MIS18BP1: variants seen among roughly 807,000 people sequenced by gnomAD.
The protein encoded by MIS18BP1 is MIS18 binding protein 1.
MIS18BP1 carries 72 observed loss-of-function variants against 116.1 expected under a neutral mutation model. That is an observed-to-expected ratio of 0.62 (90% confidence interval 0.51 to 0.75). The LOEUF is 0.75. Ranked by LOEUF, MIS18BP1 falls within the 30% of genes least tolerant of loss-of-function variation. MIS18BP1 has a pLI of 0.00. For synonymous variants in MIS18BP1, 386 were observed against 427.0 expected (o/e 0.90, Z 1.18); for missense variants, 1,363 against 1,303.2 (o/e 1.05, Z -0.71).
At chr14:45,236,598 G>A (rs1891435601) in intron 5 of MIS18BP1, among the ~76,000 whole-genome samples, 2 of 152,100 alleles carry the variant, frequency 1.3e-5, no homozygotes, top group Non-Finnish European at 2.9e-5. Context: ...GACGAATAAG[G>A]AAATCAAGTT....
rs779967474 is a variant in MIS18BP1, at chr14:45,247,168, G to A, written c.119C>T (p.Thr40Ile). 7 of 1,612,878 alleles carry A rather than the reference G, an allele frequency of 4.3e-6. No individual in the cohort carries two copies. The highest frequency in any genetic ancestry group is 2.7e-5 in the African/African-American group (2 of 74,928). ...ATATTTCACCAAATCTTTTACAGGA[G>A]TAAGTGTGCCTGAAGGAATGCTGTC... ...FFDSIPSGTLTPVKDLVKYQN... is the reference protein window; with the variant it reads ...FFDSIPSGTLIPVKDLVKYQN... The change falls in exon 2 of 17, where the codon ACT becomes ATT. Residue 40 changes from threonine to isoleucine, a missense_variant. Coordinates refer to ENST00000310806, the MANE Select transcript of MIS18BP1 (RefSeq NM_018353.5).
At chr14:45,250,184 G>C (rs1176452448) in intron 1 of MIS18BP1, 1 of 152,116 alleles carries the variant, frequency 6.6e-6, no homozygotes, top group Non-Finnish European at 1.5e-5. Flanking sequence ...CCAAGATTCT[G>C]AAAAAATCCT....
chr14:45,224,742 T>A lies in MIS18BP1; in HGVS notation c.1845A>T (p.Thr615=), dbSNP rs1594511777. 1 of 1,558,530 alleles carries A rather than the reference T, an allele frequency of 6.4e-7. No individual in the cohort carries two copies. The highest frequency in any genetic ancestry group is 2.2e-5 in the Admixed American group (1 of 46,380). The stretch of plus-strand genomic sequence containing the variant: ...CAATGGATACATCCAATTCTTCAGT[T>A]GTCTCTTTAATTTCATAAGACAAAA... ...ERIIKSQKQE[T]TEELDVSIDI... The change falls in exon 11 of 17, where the codon ACA becomes ACT. Residue 615 remains threonine, a synonymous_variant. Transcript: ENST00000310806.
chr14:45,236,665 C>T (rs773454042), intron 5 of MIS18BP1, among the ~76,000 whole-genome samples: 2 of 152,138 alleles, frequency 1.3e-5, no homozygotes, highest in African/African-American at 2.4e-5. Context: ...TACAGTATTA[C>T]TTCTCTTCAA....
chr14:45,204,395 T>G lies in MIS18BP1; in HGVS notation c.3295+4A>C. The stretch of plus-strand genomic sequence containing the variant: ...GCCACAAAAGAAAGCTGTAAGTGTA[T>G]TACCTGTGTTAAATGGGGTTTTCCT... On this transcript the variant is annotated splice_donor_region_variant and intron_variant, in intron 16 of 16. Coordinates refer to ENST00000310806, the MANE Select transcript of MIS18BP1 (RefSeq NM_018353.5). 6.2e-7 allele frequency: 1 copy of G among 1,604,902 alleles called. No individual in the cohort carries two copies. The highest frequency in any genetic ancestry group is 8.5e-7 in the Non-Finnish European group (1 of 1,176,414).
chr14:45,232,484 G>A (rs1020516176), intron 7 of MIS18BP1: 6 of 362,032 alleles, frequency 1.7e-5, no homozygotes, highest in Admixed American at 9.6e-5. Context: ...TAAAACAGGT[G>A]CACTTAATTA....
chr14:45,248,699 T>C (rs1314321619), intron 1 of MIS18BP1, among the ~76,000 whole-genome samples: 1 of 152,106 alleles, frequency 6.6e-6, no homozygotes, highest in African/African-American at 2.4e-5. Flanking sequence ...CAATAATTTA[T>C]GATAATAGAG....
At chr14:45,230,270 G>A (rs974116999) in intron 8 of MIS18BP1, among the ~76,000 whole-genome samples, 1 of 152,176 alleles carries the variant, frequency 6.6e-6, no homozygotes, top group African/African-American at 2.4e-5. Flanking sequence ...TACAAGTGAA[G>A]CAGATTATAG....
chr14:45,240,952 C>T (rs1891559349), intron 4 of MIS18BP1, among the ~76,000 whole-genome samples: 1 of 151,928 alleles, frequency 6.6e-6, no homozygotes, highest in African/African-American at 2.4e-5. Flanking sequence ...TAAATATTTT[C>T]CAATAATGGG....
intron 6 of MIS18BP1, among the ~76,000 whole-genome samples, chr14:45,235,486 A>C (rs1306824916): frequency 6.7e-6 from 1 of 148,612 alleles, no homozygotes; most frequent in Non-Finnish European, 1.5e-5. Flanking sequence ...GCTACTCAGG[A>C]GGCTGAGGCA....
rs1435476244 is a variant in MIS18BP1, at chr14:45,232,433, A to C, written c.1436+300T>G. 6.6e-5 allele frequency: 16 copies of C among 241,722 alleles called. 1 individual carries two copies. Among genetic ancestry groups the C allele is most frequent in the African/African-American group, 1.9e-4 (8 of 42,254 alleles). The allele number at this position is 241,722 out of a possible 1,614,324, so 15.0% of individuals were successfully genotyped here. A position where few individuals can be genotyped will look rare whatever the true frequency, so the allele number is the denominator to read the frequency against. The stretch of plus-strand genomic sequence containing the variant: ...TTCCATCTCAAAAAAAAAAAAAAAA[A>C]AAAAACAACAACAAAAAAACTGGCA... On this transcript the variant is annotated intron_variant, in intron 7 of 16. Transcript: ENST00000310806.
At chr14:45,227,569 A>C in intron 9 of MIS18BP1, 94 bp downstream of exon 9, 2 of 1,035,584 alleles carry the variant, frequency 1.9e-6, no homozygotes, top group Non-Finnish European at 2.8e-6. Context: ...AAAAAAACAG[A>C]ACTCACGTCC....
rs529921842 is a variant in MIS18BP1, at chr14:45,224,807, A to C, written c.1841-61T>G. 3.3e-5 allele frequency: 38 copies of C among 1,166,020 alleles called. No individual in the cohort carries two copies. The African/African-American group carries it at 5.3e-4, about 16-fold the overall frequency. The allele number at this position is 1,166,020 out of a possible 1,614,324, so 72.2% of individuals were successfully genotyped here. A position where few individuals can be genotyped will look rare whatever the true frequency, so the allele number is the denominator to read the frequency against. ...CTCAAATTAGCTATAAACAAATATA[A>C]GCACAGAAAATATATTTTCACAAAT... On this transcript the variant is annotated intron_variant, in intron 10 of 16. Coordinates refer to ENST00000310806, the MANE Select transcript of MIS18BP1 (RefSeq NM_018353.5).
intron 2 of MIS18BP1, among the ~76,000 whole-genome samples, chr14:45,246,235 C>T (rs910206005): frequency 6.6e-6 from 1 of 152,204 alleles, no homozygotes; most frequent in Non-Finnish European, 1.5e-5. Flanking sequence ...CATTTACCTA[C>T]AAGGCCCTTA....
intron 1 of MIS18BP1, among the ~76,000 whole-genome samples, chr14:45,248,170 T>C (rs954623084): frequency 2.7e-5 from 4 of 150,600 alleles, no homozygotes; most frequent in African/African-American, 9.8e-5. Flanking sequence ...TTCAAGCAAT[T>C]CTCCTGCCTC....
chr14:45,249,303 G>C (rs887059950), intron 1 of MIS18BP1, among the ~76,000 whole-genome samples: 3 of 152,116 alleles, frequency 2.0e-5, no homozygotes, highest in African/African-American at 7.2e-5. Context: ...TATTGGTCAG[G>C]CTGGTCTCCT....
chr14:45,227,234 C>T (rs953928998), intron 9 of MIS18BP1, among the ~76,000 whole-genome samples: 1 of 152,074 alleles, frequency 6.6e-6, no homozygotes, highest in South Asian at 2.1e-4. Context: ...CTTGGCTGGG[C>T]GCAGTGGCTC....
At position 45,248,451 on chromosome 14, in the gene MIS18BP1, A is replaced by G. The variant is rs185773599; in HGVS notation, c.-91-1074T>C. On this transcript the variant is annotated intron_variant, in intron 1 of 16. Transcript: ENST00000310806. ...AAGGAACCATATAGTTGCATTAACT[A>G]ATATTTGGTAAATAAATAAAACATT... Among the ~76,000 whole-genome samples the G allele has an allele frequency of 1.4e-4, 22 of 152,278 alleles. No homozygotes were observed. In the East Asian group the frequency reaches 4.2e-3, roughly 29 times the overall value.
At chr14:45,232,440 AACAAC>A in intron 7 of MIS18BP1, 6 of 234,818 alleles carry the variant, frequency 2.6e-5, no homozygotes, top group Admixed American at 5.9e-5. Flanking sequence ...AAAAAAAAAC[AACAAC>A]AAAAAAACTG....
Sources: gnomAD v4.1 joint callset for allele counts (sites outside exome capture counted in the v4.1 genomes callset) on GRCh38, gnomAD v4.1.1 for gene constraint, MANE v1.5 for transcripts, NCBI Gene and HGNC (gene_info 2026-07-23, HGNC 2026-07-21) for gene names.